Variants in PTPRD observed in about 807,000 individuals in gnomAD.
PTPRD encodes receptor-type tyrosine-protein phosphatase delta.
PTPRD carries 34 observed loss-of-function variants against 214.5 expected under a neutral mutation model. The observed-to-expected ratio is 0.16, with a 90% CI of 0.12 to 0.21. The LOEUF (loss-of-function observed/expected upper bound fraction) is 0.21. Ranked by LOEUF, PTPRD falls within the 10% of genes least tolerant of loss-of-function variation. The pLI, the probability that PTPRD is intolerant of heterozygous loss-of-function variation, is 1.00. For synonymous variants in PTPRD, 1,128 were observed against 845.7 expected, an observed-to-expected ratio of 1.33 and a Z score of -5.79; for missense variants, 2,545 against 2,398.7, an observed-to-expected ratio of 1.06 and a Z score of -1.27.
intron 3 of PTPRD, among the ~76,000 whole-genome samples, chr9:10,278,495 T>A (rs760879723): frequency 6.6e-6 from 1 of 152,088 alleles, no homozygotes; most frequent in Non-Finnish European, 1.5e-5. Flanking sequence ...AATTTGCACA[T>A]AGTAATAAGA....
intron 3 of PTPRD, among the ~76,000 whole-genome samples, chr9:10,168,400 T>C (rs2099173019): frequency 6.6e-6 from 1 of 152,094 alleles, no homozygotes; most frequent in Non-Finnish European, 1.5e-5. Context: ...ATCTACACTA[T>C]TATCTGCAGC....
intron 5 of PTPRD, among the ~76,000 whole-genome samples, chr9:9,841,582 C>T (rs945255177): frequency 3.9e-5 from 6 of 152,022 alleles, no homozygotes; most frequent in Non-Finnish European, 4.4e-5. Context: ...AGCGATAGAA[C>T]GGCCCTTAGA....
At chr9:10,325,836 G>C (rs2096633470) in intron 3 of PTPRD, among the ~76,000 whole-genome samples, 1 of 151,836 alleles carries the variant, frequency 6.6e-6, no homozygotes, top group South Asian at 2.1e-4. Context: ...ATAGAGTACA[G>C]ATGTATAGTA....
At chr9:9,130,640 T>C (rs1052436077) in intron 10 of PTPRD, among the ~76,000 whole-genome samples, 5 of 152,196 alleles carry the variant, frequency 3.3e-5, no homozygotes, top group Non-Finnish European at 7.4e-5. Context: ...AGGGGAATCA[T>C]TTTAAAGACT....
chr9:8,455,164 C>G (rs2133858338), intron 33 of PTPRD, among the ~76,000 whole-genome samples: 1 of 152,312 alleles, frequency 6.6e-6, no homozygotes, highest in East Asian at 1.9e-4. Flanking sequence ...TCTTCAAACA[C>G]CTCTTGCCAC....
chr9:9,177,395 C>T (rs2099925552), intron 10 of PTPRD, among the ~76,000 whole-genome samples: 1 of 152,086 alleles, frequency 6.6e-6, no homozygotes, highest in South Asian at 2.1e-4. Flanking sequence ...CTAACCATAT[C>T]ACGACCCTAA....
At chr9:9,449,970 G>C (rs2091652923) in intron 8 of PTPRD, among the ~76,000 whole-genome samples, 2 of 151,860 alleles carry the variant, frequency 1.3e-5, no homozygotes, top group Non-Finnish European at 2.9e-5. Flanking sequence ...ACTTATAAGT[G>C]AGAATGAACG....
rs1278406088 is a variant in PTPRD, at chr9:10,279,903, T to C, written c.-545+61060A>G. Among the ~76,000 whole-genome samples the C allele has an allele frequency of 2.3e-5, 3 of 133,252 alleles. No homozygotes were observed. In the Admixed American group the frequency reaches 2.8e-4, roughly 13 times the overall value. The allele number at this position is 133,252 out of a possible 152,430, so 87.4% of individuals were successfully genotyped here. On this transcript the variant is annotated intron_variant, in intron 3 of 45. Coordinates refer to ENST00000381196, the MANE Select transcript of PTPRD (RefSeq NM_002839.4). ...ATCCTCATTTATATAAATTCTTATC[T>C]TTTAACTAGTAAGAATTCCACCCTA...
intron 12 of PTPRD, among the ~76,000 whole-genome samples, chr9:8,705,753 CAT>C (rs1309092344): frequency 1.1e-4 from 17 of 152,128 alleles, no homozygotes; most frequent in Non-Finnish European, 1.8e-4. Context: ...TTATGTATCA[CAT>C]GTTTATTACT....
chr9:9,536,463 A>G (rs1239922880), intron 8 of PTPRD, among the ~76,000 whole-genome samples: 7 of 152,072 alleles, frequency 4.6e-5, no homozygotes, highest in Non-Finnish European at 2.9e-5. Flanking sequence ...GATGGCATGA[A>G]TCTAATGGAA....
chr9:10,136,016 G>C (rs573944947), intron 3 of PTPRD, among the ~76,000 whole-genome samples: 1 of 150,786 alleles, frequency 6.6e-6, no homozygotes, highest in Non-Finnish European at 1.5e-5. Flanking sequence ...ACACCCACAG[G>C]CTGAAAGAAA....
In PTPRD at chr9:8,953,213, G is replaced by C. The variant is rs531572927; in HGVS notation, c.-104+65484C>G. 5.3e-5 allele frequency among the ~76,000 whole-genome samples: 8 copies of C among 151,928 alleles called. No homozygotes were observed. In the East Asian group the frequency reaches 9.7e-4, roughly 18 times the overall value. Reference sequence around the variant, plus strand: ...TGAGTGAAATGTGGAGTTTCAGAAAGGTATATCCCAGGAGAAGGGTCGCTA... The same window carrying C: ...TGAGTGAAATGTGGAGTTTCAGAAACGTATATCCCAGGAGAAGGGTCGCTA... On this transcript the variant is annotated intron_variant, in intron 11 of 45. Coordinates refer to ENST00000381196, the MANE Select transcript of PTPRD (RefSeq NM_002839.4).
At chr9:10,109,145 C>A (rs2098666180) in intron 3 of PTPRD, among the ~76,000 whole-genome samples, 1 of 152,124 alleles carries the variant, frequency 6.6e-6, no homozygotes, top group Non-Finnish European at 1.5e-5. Context: ...CCTTAAAAAT[C>A]TAAACAGGAG....
At chr9:9,284,368 C>T (rs1948710454) in intron 9 of PTPRD, among the ~76,000 whole-genome samples, 1 of 151,624 alleles carries the variant, frequency 6.6e-6, no homozygotes, top group South Asian at 2.1e-4. Flanking sequence ...CATGAATAGA[C>T]TCCTGCCATG....
intron 8 of PTPRD, among the ~76,000 whole-genome samples, chr9:9,545,962 C>A (rs2154277652): frequency 6.6e-6 from 1 of 151,396 alleles, no homozygotes; most frequent in South Asian, 2.1e-4. Flanking sequence ...TTTTTTTATT[C>A]TATCAGGGTT....
chr9:10,130,821 C>T (rs745846841), intron 3 of PTPRD, among the ~76,000 whole-genome samples: 8 of 152,022 alleles, frequency 5.3e-5, no homozygotes, highest in Non-Finnish European at 1.2e-4. Flanking sequence ...TTGTACTTTA[C>T]GTTAGGCAGA....
intron 2 of PTPRD, among the ~76,000 whole-genome samples, chr9:10,378,601 C>T (rs527608664): frequency 6.6e-6 from 1 of 152,006 alleles, no homozygotes; most frequent in East Asian, 1.9e-4. Context: ...GTTATTGGAA[C>T]CTATATCAAA....
intron 39 of PTPRD, among the ~76,000 whole-genome samples, chr9:8,357,607 C>A (rs927935582): frequency 6.6e-6 from 1 of 152,148 alleles, no homozygotes; most frequent in African/African-American, 2.4e-5. Context: ...ACAAACTGCT[C>A]CTTAGTAAGG....
intron 11 of PTPRD, among the ~76,000 whole-genome samples, chr9:8,879,414 T>C (rs1433544): frequency 0.99 from 150,022 of 152,206 alleles, 73,964 homozygotes; most frequent in Middle Eastern, 1. Context: ...TTTCTCCATG[T>C]ATTTACTCAA....
Sources: gnomAD v4.1 joint callset for allele counts (sites outside exome capture counted in the v4.1 genomes callset) on GRCh38, gnomAD v4.1.1 for gene constraint, MANE v1.5 for transcripts, NCBI Gene and HGNC (gene_info 2026-07-23, HGNC 2026-07-21) for gene names.